The following TSHZ1 variants were observed in gnomAD, a reference collection of about 807,000 sequenced individuals.
The protein encoded by TSHZ1 is teashirt homolog 1.
Under a neutral mutation model 67.1 loss-of-function variants are expected in TSHZ1, and 12 were observed. The observed-to-expected ratio is 0.18, with a 90% CI of 0.11 to 0.29. The LOEUF (loss-of-function observed/expected upper bound fraction) is 0.29, where lower values mean the gene tolerates loss of function less well. Ranked by LOEUF, TSHZ1 falls within the 10% of genes least tolerant of loss-of-function variation. The pLI is 1.00. For synonymous variants in TSHZ1, 632 were observed against 622.4 expected, an observed-to-expected ratio of 1.02 and a Z score of -0.23; for missense variants, 1,305 against 1,413.9, an observed-to-expected ratio of 0.92 and a Z score of 1.23.
At chr18:75,268,651 C>T (rs2023521233) in intron 1 of TSHZ1, among the ~76,000 whole-genome samples, 1 of 152,180 alleles carries the variant, frequency 6.6e-6, no homozygotes, top group Non-Finnish European at 1.5e-5. Flanking sequence ...GTGATTGCCA[C>T]GACTTCCCTC....
intron 1 of TSHZ1, among the ~76,000 whole-genome samples, chr18:75,261,810 G>C (rs752019256): frequency 6.6e-6 from 1 of 152,194 alleles, no homozygotes; most frequent in Non-Finnish European, 1.5e-5. Flanking sequence ...TTTTGACGTC[G>C]GGGGTGCGTG....
chr18:75,228,592 C>T (rs2022955633), intron 1 of TSHZ1, among the ~76,000 whole-genome samples: 1 of 152,164 alleles, frequency 6.6e-6, no homozygotes, highest in South Asian at 2.1e-4. Context: ...TCCTTGTGTG[C>T]CTAAAGGTAG....
At position 75,271,753 on chromosome 18, in the gene TSHZ1, C is replaced by T. The variant is rs2023560883; in HGVS notation, c.41-13695C>T. Among the ~76,000 whole-genome samples, 3 of 151,756 alleles carry T rather than the reference C, an allele frequency of 2.0e-5. No individual in the cohort carries two copies. In the South Asian group the frequency reaches 6.3e-4, roughly 32 times the overall value. On this transcript the variant is annotated intron_variant, in intron 1 of 1. Coordinates refer to ENST00000580243, the MANE Select transcript of TSHZ1 (RefSeq NM_001308210.2). ...CCTCCCCGCTTCCTGGTCCCCTCCC[C>T]ACCCCCTTAACGCACCTGATCAAAA...
chr18:75,280,536 C>T (rs559765429), intron 1 of TSHZ1, among the ~76,000 whole-genome samples: 3 of 152,276 alleles, frequency 2.0e-5, no homozygotes, highest in South Asian at 2.1e-4. Context: ...AACTTGATCC[C>T]GATAGTGGCA....
At chr18:75,247,398 A>G (rs915533679) in intron 1 of TSHZ1, among the ~76,000 whole-genome samples, 1 of 152,226 alleles carries the variant, frequency 6.6e-6, no homozygotes, top group Non-Finnish European at 1.5e-5. Context: ...CCATTTCACC[A>G]TGCTTTTGTA....
chr18:75,230,875 T>C (rs777873883), intron 1 of TSHZ1, among the ~76,000 whole-genome samples: 2 of 152,162 alleles, frequency 1.3e-5, no homozygotes, highest in Non-Finnish European at 2.9e-5. Context: ...CCAAGTTCCC[T>C]ATGCAAGCTG....
Position 75,287,096 on chromosome 18 carries a change from T to C in TSHZ1, c.1689T>C (p.Ile563=), listed in dbSNP as rs771507628. 6.2e-7 allele frequency: 1 copy of C among 1,614,106 alleles called. No homozygotes were observed. The highest frequency in any genetic ancestry group is 1.7e-5 in the Admixed American group (1 of 60,016). Residue 563 remains isoleucine, a synonymous_variant, in exon 2 of 2, where the codon ATT becomes ATC. Coordinates refer to ENST00000580243, the MANE Select transcript of TSHZ1 (RefSeq NM_001308210.2). This position sits in a 1 kb window ranked among gnomAD's most constrained non-coding sequence, Gnocchi z 5.0. ...KSLENTVSTA[I]SKAQNGAPSW... ...TGGAGAATACCGTCTCCACGGCCAT[T>C]AGCAAAGCTCAGAATGGTGCGCCCT...
chr18:75,242,449 A>G (rs550721367), intron 1 of TSHZ1, among the ~76,000 whole-genome samples: 3 of 152,394 alleles, frequency 2.0e-5, no homozygotes, highest in African/African-American at 7.2e-5. Flanking sequence ...CTTATCCTCA[A>G]GAAACTTGCA....
At chr18:75,271,290 G>A (rs929557240) in intron 1 of TSHZ1, among the ~76,000 whole-genome samples, 2 of 152,174 alleles carry the variant, frequency 1.3e-5, no homozygotes, top group East Asian at 3.8e-4. Context: ...CTCGTTAAGT[G>A]GGCATCCCTC....
At chr18:75,246,013 C>A (rs2023217130) in intron 1 of TSHZ1, among the ~76,000 whole-genome samples, 3 of 152,220 alleles carry the variant, frequency 2.0e-5, no homozygotes, top group Non-Finnish European at 4.4e-5. Flanking sequence ...GGCTTCCCCT[C>A]TCCCCCAGCA....
chr18:75,249,426 G>A (rs969408349), intron 1 of TSHZ1, among the ~76,000 whole-genome samples: 1 of 148,120 alleles, frequency 6.8e-6, no homozygotes, highest in Admixed American at 6.7e-5. Flanking sequence ...GTGGGTGGGG[G>A]GAACAGATGA....
chr18:75,266,964 C>T (rs997469209), intron 1 of TSHZ1, among the ~76,000 whole-genome samples: 2 of 152,206 alleles, frequency 1.3e-5, no homozygotes, highest in Admixed American at 1.3e-4. Flanking sequence ...TTAGAAATGA[C>T]TTGTCATAAT....
intron 1 of TSHZ1, among the ~76,000 whole-genome samples, chr18:75,269,336 G>A (rs956736093): frequency 3.9e-5 from 6 of 152,228 alleles, no homozygotes; most frequent in African/African-American, 1.2e-4. Flanking sequence ...TAGCTGCCAG[G>A]ATCCAAGGTC....
Position 75,286,819 on chromosome 18 carries a change from C to T in TSHZ1, c.1412C>T (p.Pro471Leu), listed in dbSNP as rs142270240. ...GAGAAGATCCAGTCCATCCCACTAC[C>T]GCCCACCACCCACACGCGGCTGCCG... ...VEEKIQSIPL[P>L]PTTHTRLPAS... The change falls in exon 2 of 2, where the codon CCG becomes CTG. Residue 471 changes from proline (P) to leucine (L), a missense_variant. By Grantham distance (98) the Pro-to-Leu change is moderately conservative (BLOSUM62 -3). Coordinates refer to ENST00000580243, the MANE Select transcript of TSHZ1 (RefSeq NM_001308210.2). This position sits in a 1 kb window ranked among gnomAD's most constrained non-coding sequence, Gnocchi z 5.1. 14 of 1,613,758 alleles carry T rather than the reference C, an allele frequency of 8.7e-6. No homozygotes were observed. The highest frequency in any genetic ancestry group is 6.6e-5 in the South Asian group (6 of 91,074).
At chr18:75,247,871 T>TTTC (rs1380831926) in intron 1 of TSHZ1, among the ~76,000 whole-genome samples, 1 of 151,800 alleles carries the variant, frequency 6.6e-6, no homozygotes, top group East Asian at 1.9e-4. Flanking sequence ...TACTTTTTTT[T>TTTC]TTTTTTTACT....
At chr18:75,280,639 C>G (rs1371898915) in intron 1 of TSHZ1, 2 of 670,846 alleles carry the variant, frequency 3.0e-6, no homozygotes, top group African/African-American at 3.9e-5. Flanking sequence ...AGTCGGTCAA[C>G]TTCCCCAAGA....
intron 1 of TSHZ1, among the ~76,000 whole-genome samples, chr18:75,259,796 A>T (rs2023407791): frequency 1.3e-5 from 2 of 152,224 alleles, no homozygotes; most frequent in South Asian, 4.1e-4. Flanking sequence ...GCAAATGTTC[A>T]GGCTGTGGAT....
chr18:75,226,695 A>T (rs1442024584), intron 1 of TSHZ1, among the ~76,000 whole-genome samples: 1 of 151,738 alleles, frequency 6.6e-6, no homozygotes, highest in Non-Finnish European at 1.5e-5. Context: ...GCCATGCATC[A>T]CCAGCCCTCC....
chr18:75,257,771 C>G (rs1182283483), intron 1 of TSHZ1, among the ~76,000 whole-genome samples: 1 of 152,174 alleles, frequency 6.6e-6, no homozygotes, highest in Non-Finnish European at 1.5e-5. Flanking sequence ...AAACGCCAGT[C>G]GTCACGTTAG....
Sources: allele counts gnomAD v4.1 joint callset (sites outside exome capture counted in the v4.1 genomes callset), GRCh38; gene constraint gnomAD v4.1.1; non-coding constraint Gnocchi (gnomAD v3.1); transcripts MANE v1.5; gene names NCBI Gene and HGNC (gene_info 2026-07-23, HGNC 2026-07-21).